FTO: variants seen among roughly 807,000 people sequenced by gnomAD.
FTO encodes alpha-ketoglutarate-dependent dioxygenase FTO.
In FTO, 47 loss-of-function variants were observed where a neutral mutation model predicts 63.9. That is an observed-to-expected ratio of 0.74 (90% confidence interval 0.58 to 0.94). The LOEUF (loss-of-function observed/expected upper bound fraction) is 0.94. Ranked by LOEUF, FTO falls within the 40% of genes least tolerant of loss-of-function variation. FTO has a pLI of 0.00. For synonymous variants in FTO, 207 were observed against 224.4 expected (o/e 0.92, Z 0.69); for missense variants, 562 against 618.1 (o/e 0.91, Z 0.96).
intron 6 of FTO, among the ~76,000 whole-genome samples, chr16:53,884,507 C>A (rs2080946714): frequency 6.6e-6 from 1 of 152,136 alleles, no homozygotes; most frequent in Non-Finnish European, 1.5e-5. Context: ...TCCGTTATTA[C>A]AGTGAGACAT....
chr16:54,076,642 G>A (rs1008147300), intron 8 of FTO, among the ~76,000 whole-genome samples: 6 of 151,888 alleles, frequency 4.0e-5, no homozygotes, highest in Non-Finnish European at 7.4e-5. Flanking sequence ...AAATTATGTG[G>A]GTGTAAGCAG....
chr16:53,938,018 T>G (rs2082431346), intron 8 of FTO: 1 of 152,344 alleles, frequency 6.6e-6, no homozygotes, highest in South Asian at 2.1e-4. Context: ...TCCTTTGCCT[T>G]GAAGAAGTCA....
chr16:53,878,899 A>G (rs556225006), intron 5 of FTO, among the ~76,000 whole-genome samples: 1 of 152,366 alleles, frequency 6.6e-6, no homozygotes, highest in South Asian at 2.1e-4. Context: ...TAAGCCAAAT[A>G]TTCTCCATTA....
intron 8 of FTO, among the ~76,000 whole-genome samples, chr16:53,975,207 G>GTTT (rs201129496): frequency 1.4e-5 from 2 of 144,222 alleles, no homozygotes; most frequent in Non-Finnish European, 1.5e-5. Context: ...AATATTGTAA[G>GTTT]TTTTTTTTTT....
rs2079013249 is a variant in FTO, at chr16:53,826,604, T to C, written c.751+113T>C. Reference sequence around the variant, plus strand: ...GAACATGTTTGCATGTGTGCTTGCGTGTGTACATGCACATGCGTGTGTGTG... The same window carrying C: ...GAACATGTTTGCATGTGTGCTTGCGCGTGTACATGCACATGCGTGTGTGTG... On this transcript the variant is annotated intron_variant, in intron 3 of 8. Coordinates refer to ENST00000471389, the MANE Select transcript of FTO (RefSeq NM_001080432.3). 68 of 994,358 alleles carry C rather than the reference T, an allele frequency of 6.8e-5. 2 individuals carry two copies. The South Asian group carries it at 8.2e-4, about 12-fold the overall frequency. 61.6% of individuals were successfully genotyped at this position (994,358 alleles called of 1,614,324 possible). A position where few individuals can be genotyped will look rare whatever the true frequency, so the allele number is the denominator to read the frequency against.
At chr16:54,062,710 G>T (rs902008543) in intron 8 of FTO, among the ~76,000 whole-genome samples, 4 of 152,178 alleles carry the variant, frequency 2.6e-5, no homozygotes, top group African/African-American at 7.2e-5. Flanking sequence ...TAAGGAGAGA[G>T]AATCATTTGT....
intron 8 of FTO, among the ~76,000 whole-genome samples, chr16:53,950,081 T>G (rs1169506799): frequency 1.3e-5 from 2 of 149,300 alleles, no homozygotes; most frequent in East Asian, 3.9e-4. Flanking sequence ...CATTTTTTTT[T>G]TTTTGGTGTG....
At chr16:53,793,593 AAATAT>A (rs2077984158) in intron 1 of FTO, among the ~76,000 whole-genome samples, 1 of 152,226 alleles carries the variant, frequency 6.6e-6, no homozygotes, top group African/African-American at 2.4e-5. Flanking sequence ...AAGTGCTAGA[AAATAT>A]AATATTACAG....
intron 8 of FTO, among the ~76,000 whole-genome samples, chr16:53,960,138 G>C (rs2083036446): frequency 6.6e-6 from 1 of 152,138 alleles, no homozygotes; most frequent in African/African-American, 2.4e-5. Context: ...CTTTGTTAAA[G>C]ATGCAATGGG....
Position 53,826,196 on chromosome 16 carries a change from G to T in FTO, c.456G>T (p.Gln152His). The T allele has an allele frequency of 6.2e-7, 1 of 1,614,158 alleles. No individual in the cohort carries two copies. Among genetic ancestry groups the T allele is most frequent in the Non-Finnish European group, 8.5e-7 (1 of 1,180,038 alleles). ...LNDYLQIETI[Q>H]ALEELAAKEK... ...ACTACCTGCAGATAGAAACCATCCA[G>T]GCTTTGGAAGAACTTGCTGCCAAAG... The change falls in exon 3 of 9, where the codon CAG becomes CAT. Residue 152 changes from glutamine (Q) to histidine (H), a missense_variant. By Grantham distance (24) the Gln-to-His change is conservative. Coordinates refer to ENST00000471389, the MANE Select transcript of FTO (RefSeq NM_001080432.3).
At chr16:53,810,967 T>C (rs1268937386) in intron 2 of FTO, among the ~76,000 whole-genome samples, 1 of 152,102 alleles carries the variant, frequency 6.6e-6, no homozygotes, top group African/African-American at 2.4e-5. Context: ...AAAAAGTTAG[T>C]GAGTTCTTTT....
chr16:53,963,726 A>G (rs978597647), intron 8 of FTO, among the ~76,000 whole-genome samples: 6 of 152,126 alleles, frequency 3.9e-5, no homozygotes, highest in Admixed American at 2.0e-4. Flanking sequence ...TGCATCCTGT[A>G]CAGCCTGCAG....
At chr16:54,100,422 G>A (rs978250995) in intron 8 of FTO, among the ~76,000 whole-genome samples, 1 of 152,058 alleles carries the variant, frequency 6.6e-6, no homozygotes, top group Admixed American at 6.6e-5. Context: ...GCACAATCAC[G>A]GCTCACTGTA....
Position 53,960,711 on chromosome 16 carries a change from T to TG in FTO, c.1364+26607dup, listed in dbSNP as rs1462432712. The stretch of plus-strand genomic sequence containing the variant: ...AAGGAATGGGTTCAATTACCAGAAA[T>TG]GGGGGTGGGGGGGGCGCGGTTACCT... On this transcript the variant is annotated intron_variant, in intron 8 of 8. Coordinates refer to ENST00000471389, the MANE Select transcript of FTO (RefSeq NM_001080432.3). Among the ~76,000 whole-genome samples, 375 of 138,404 alleles carry TG rather than the reference T, an allele frequency of 2.7e-3. 4 individuals carry two copies. Among genetic ancestry groups the TG allele is most frequent in the African/African-American group, 0.011 (358 of 32,870 alleles). 90.8% of individuals were successfully genotyped at this position (138,404 alleles called of 152,430 possible).
Position 53,907,945 on chromosome 16 carries a change from G to A in FTO, c.1239+18994G>A, listed in dbSNP as rs1272734036. ...GCTTGAGAGCTCAAGCTTTATTCTGGAGGCACTGAGATTCTATGGCAGATA... is the reference window on the plus strand; with the variant it reads ...GCTTGAGAGCTCAAGCTTTATTCTGAAGGCACTGAGATTCTATGGCAGATA... On this transcript the variant is annotated intron_variant, in intron 7 of 8. Transcript: ENST00000471389. 2.6e-5 allele frequency among the ~76,000 whole-genome samples: 4 copies of A among 152,140 alleles called. No individual in the cohort carries two copies. The South Asian group carries it at 6.2e-4, about 24-fold the overall frequency.
chr16:53,888,975 G>T (rs117546833), intron 7 of FTO, 24 bp downstream of exon 7: 2 of 1,612,952 alleles, frequency 1.2e-6, no homozygotes, highest in Non-Finnish European at 1.7e-6. Flanking sequence ...ACCTGGGACC[G>T]TGTTTTCTGG....
At chr16:53,794,889 G>A (rs376931032) in intron 1 of FTO, among the ~76,000 whole-genome samples, 1 of 152,026 alleles carries the variant, frequency 6.6e-6, no homozygotes, top group South Asian at 2.1e-4. Flanking sequence ...CCTTCAAAAT[G>A]CAATACCAAA....
intron 8 of FTO, among the ~76,000 whole-genome samples, chr16:53,944,387 T>C: frequency 6.6e-6 from 1 of 152,236 alleles, no homozygotes; most frequent in Non-Finnish European, 1.5e-5. Context: ...TTGTGTTGGC[T>C]ACCAGTAGAT....
intron 3 of FTO, among the ~76,000 whole-genome samples, chr16:53,827,779 A>G (rs1286871593): frequency 1.3e-5 from 2 of 152,224 alleles, no homozygotes; most frequent in African/African-American, 4.8e-5. Context: ...CGCTGTCCTA[A>G]TGGAAAGAAC....
Sources: gnomAD v4.1 joint callset for allele counts (sites outside exome capture counted in the v4.1 genomes callset) on GRCh38, gnomAD v4.1.1 for gene constraint, MANE v1.5 for transcripts, NCBI Gene and HGNC (gene_info 2026-07-23, HGNC 2026-07-21) for gene names.